The following SLC22A24 variants were observed in gnomAD, a reference collection of about 807,000 sequenced individuals.
SLC22A24 encodes steroid transmembrane transporter SLC22A24.
Under a neutral mutation model 49.8 loss-of-function variants are expected in SLC22A24, and 53 were observed. That is an observed-to-expected ratio of 1.06 (90% CI 0.85 to 1.34). The LOEUF (loss-of-function observed/expected upper bound fraction) is 1.34, where lower values mean the gene tolerates loss of function less well. Ranked by LOEUF, SLC22A24 falls within the 40% of genes most tolerant of loss-of-function variation. The pLI is 0.00. For missense variants in SLC22A24, 786 were observed against 675.9 expected (o/e 1.16, Z -1.81); for synonymous variants, 302 against 256.4 (o/e 1.18, Z -1.70).
At chr11:63,121,429 G>A (rs1047346084) in intron 2 of SLC22A24, among the ~76,000 whole-genome samples, 3 of 152,046 alleles carry the variant, frequency 2.0e-5, no homozygotes, top group Admixed American at 6.6e-5. Flanking sequence ...GGAAAAAATT[G>A]TTGGGGGATC....
chr11:63,118,850 T>A, intron 4 of SLC22A24, 62 bp downstream of exon 4: 1 of 1,532,834 alleles, frequency 6.5e-7, no homozygotes, highest in Non-Finnish European at 8.9e-7. Context: ...GGTGTCAGAA[T>A]TTTCCTTTCT....
rs869264212 is a variant in SLC22A24, at chr11:63,113,011, CAAAAAAAAAAAAA to C, written c.830+5888_830+5900del. 5.8e-4 allele frequency among the ~76,000 whole-genome samples: 7 copies of C among 12,028 alleles called. 1 individual carries two copies. The highest frequency in any genetic ancestry group is 3.0e-3 in the African/African-American group (7 of 2,338). The allele number at this position is 12,028 out of a possible 152,430, so 7.9% of individuals were successfully genotyped here. A position where few individuals can be genotyped will look rare whatever the true frequency, so the allele number is the denominator to read the frequency against. Reference sequence around the variant, plus strand: ...GCCTGTGTGACAGCAGACTCTGTCTCAAAAAAAAAAAAAAAAAAAAAAAAATATATATATATAT... The same window carrying C: ...GCCTGTGTGACAGCAGACTCTGTCTCAAAAAAAAAAAATATATATATATAT... On this transcript the variant is annotated intron_variant, in intron 4 of 9. Coordinates refer to ENST00000612278, the MANE Select transcript of SLC22A24 (RefSeq NM_001136506.2).
chr11:63,139,282 G>A (rs1232487612), intron 1 of SLC22A24, among the ~76,000 whole-genome samples: 7 of 152,064 alleles, frequency 4.6e-5, no homozygotes, highest in Non-Finnish European at 8.8e-5. Flanking sequence ...CACAGACACC[G>A]TTTCGGAAGA....
rs564781120 is a variant in SLC22A24, at chr11:63,096,960, A to T, written c.955-854T>A. Among the ~76,000 whole-genome samples the T allele has an allele frequency of 2.0e-5, 3 of 152,256 alleles. No homozygotes were observed. The South Asian group carries it at 6.2e-4, about 32-fold the overall frequency. Reference sequence around the variant, plus strand: ...ATAATTATCTGAAGTCTTACATGTAAATATAAAATGTATTTAGCACAGGAG... The same window carrying T: ...ATAATTATCTGAAGTCTTACATGTATATATAAAATGTATTTAGCACAGGAG... On this transcript the variant is annotated intron_variant, in intron 5 of 9. Transcript: ENST00000612278.
intron 4 of SLC22A24, among the ~76,000 whole-genome samples, chr11:63,114,924 TC>T (rs2087200917): frequency 1.3e-5 from 2 of 152,176 alleles, no homozygotes; most frequent in Non-Finnish European, 2.9e-5. Flanking sequence ...GCCTAATCCT[TC>T]CTCTGGAAGC....
intron 4 of SLC22A24, among the ~76,000 whole-genome samples, chr11:63,108,278 T>C (rs1165047608): frequency 2.0e-5 from 3 of 152,218 alleles, no homozygotes; most frequent in Non-Finnish European, 4.4e-5. Flanking sequence ...ATCCCAGGGA[T>C]GAAGCCGACT....
At chr11:63,104,799 C>G (rs1233921241) in intron 4 of SLC22A24, among the ~76,000 whole-genome samples, 6 of 152,222 alleles carry the variant, frequency 3.9e-5, no homozygotes, top group Admixed American at 1.3e-4. Context: ...ATCATTCTGC[C>G]CTGGTCCCTC....
chr11:63,095,678 G>T (rs1194145878), intron 6 of SLC22A24, among the ~76,000 whole-genome samples: 1 of 152,094 alleles, frequency 6.6e-6, no homozygotes, highest in Non-Finnish European at 1.5e-5. Context: ...AACTTCTTTA[G>T]TGAATAAAAA....
In SLC22A24 at chr11:63,080,036, GAAAC is replaced by G. The variant is rs1372052506; in HGVS notation, c.1599-40_1599-37del. 3.7e-6 allele frequency: 5 copies of G among 1,367,008 alleles called. No individual in the cohort carries two copies. The African/African-American group carries it at 4.3e-5, about 12-fold the overall frequency. 84.7% of individuals were successfully genotyped at this position (1,367,008 alleles called of 1,614,324 possible). A position where few individuals can be genotyped will look rare whatever the true frequency, so the allele number is the denominator to read the frequency against. ...GAAATGCAAACAAAAACAAGATTAA[GAAAC>G]AAAAAATAAATAAGATATAGATTAA... is the stretch of plus-strand genomic sequence containing the variant. On this transcript the variant is annotated intron_variant, in intron 9 of 9. Coordinates refer to ENST00000612278, the MANE Select transcript of SLC22A24 (RefSeq NM_001136506.2).
chr11:63,108,594 G>A (rs1364775684), intron 4 of SLC22A24, among the ~76,000 whole-genome samples: 2 of 152,070 alleles, frequency 1.3e-5, no homozygotes, highest in Admixed American at 6.5e-5. Context: ...ATTAATTATT[G>A]CCTCAATTTT....
At chr11:63,125,244 G>A (rs1420766901) in intron 2 of SLC22A24, among the ~76,000 whole-genome samples, 1 of 152,030 alleles carries the variant, frequency 6.6e-6, no homozygotes, top group African/African-American at 2.4e-5. Context: ...TGCCATGGTG[G>A]TTTGCTGCAC....
At chr11:63,086,986 T>G (rs2086990340) in intron 6 of SLC22A24, among the ~76,000 whole-genome samples, 1 of 140,560 alleles carries the variant, frequency 7.1e-6, no homozygotes, top group Non-Finnish European at 1.5e-5. Flanking sequence ...AATGAAAGTT[T>G]GCAAAAAAAA....
At chr11:63,113,183 T>TATACAC (rs2087185355) in intron 4 of SLC22A24, among the ~76,000 whole-genome samples, 1 of 9,056 alleles carries the variant, frequency 1.1e-4, no homozygotes, top group African/African-American at 1.9e-4. Flanking sequence ...TATACATATA[T>TATACAC]ATATACACAT....
intron 1 of SLC22A24, among the ~76,000 whole-genome samples, chr11:63,135,118 CAATT>C (rs1218784920): frequency 6.6e-6 from 1 of 152,050 alleles, no homozygotes; most frequent in Non-Finnish European, 1.5e-5. Context: ...CACATAAAAA[CAATT>C]AAAGACTTCA....
intron 2 of SLC22A24, among the ~76,000 whole-genome samples, 179 bp downstream of exon 2, chr11:63,134,486 C>A (rs1442599631): frequency 6.6e-6 from 1 of 152,158 alleles, no homozygotes; most frequent in South Asian, 2.1e-4. Flanking sequence ...TAATACCCAA[C>A]TATCATTTCT....
intron 2 of SLC22A24, among the ~76,000 whole-genome samples, chr11:63,125,492 C>T (rs1018884022): frequency 1.3e-5 from 2 of 152,200 alleles, no homozygotes. Context: ...TGAACTCATC[C>T]TTTTTTATGG....
chr11:63,094,943 C>G (rs957404896), intron 6 of SLC22A24, among the ~76,000 whole-genome samples: 2 of 152,112 alleles, frequency 1.3e-5, no homozygotes, highest in Non-Finnish European at 2.9e-5. Context: ...CCTGTTCACT[C>G]TGCTGGTAGT....
At chr11:63,119,435 A>T in intron 2 of SLC22A24, 100 bp from the exon 3 acceptor site, 1 of 1,154,748 alleles carries the variant, frequency 8.7e-7, no homozygotes, top group Non-Finnish European at 1.2e-6. Flanking sequence ...TAAATGTTTA[A>T]CAAGTGGAAC....
chr11:63,105,747 T>A (rs1366501257), intron 4 of SLC22A24, among the ~76,000 whole-genome samples: 1 of 152,088 alleles, frequency 6.6e-6, no homozygotes, highest in Non-Finnish European at 1.5e-5. Flanking sequence ...TGACATGCCC[T>A]GGAGACATTT....
Sources: allele counts gnomAD v4.1 joint callset (sites outside exome capture counted in the v4.1 genomes callset), GRCh38; gene constraint gnomAD v4.1.1; transcripts MANE v1.5; gene names NCBI Gene and HGNC (gene_info 2026-07-23, HGNC 2026-07-21).